COG7: variants seen among roughly 807,000 people sequenced by gnomAD.
COG7 encodes the protein component of oligomeric golgi complex 7, also known as conserved oligomeric Golgi complex subunit 7.
COG7 carries 49 observed loss-of-function variants against 91.5 expected under a neutral mutation model. The observed-to-expected ratio is 0.54, with a 90% CI of 0.43 to 0.68. The LOEUF (loss-of-function observed/expected upper bound fraction) is 0.68, where lower values mean the gene tolerates loss of function less well. Ranked by LOEUF, COG7 falls within the 30% of genes least tolerant of loss-of-function variation. The pLI is 0.00. For missense variants in COG7, 895 were observed against 961.3 expected, an observed-to-expected ratio of 0.93 and a Z score of 0.91; for synonymous variants, 365 against 388.7, an observed-to-expected ratio of 0.94 and a Z score of 0.72.
intron 7 of COG7, among the ~76,000 whole-genome samples, chr16:23,420,561 CCT>C (rs1293972546): frequency 6.6e-6 from 1 of 152,138 alleles, no homozygotes; most frequent in Non-Finnish European, 1.5e-5. Context: ...CGTCCCTTCC[CCT>C]CTTTATCTAG....
Position 23,445,923 on chromosome 16 carries a change from G to T in COG7, c.208C>A (p.Leu70Ile). 6.2e-7 allele frequency: 1 copy of T among 1,612,542 alleles called. No individual in the cohort carries two copies. The highest frequency in any genetic ancestry group is 2.2e-5 in the East Asian group (1 of 44,830). ...TGTTTTAGGGCTTCAACATCACGGA[G>T]CACTTTGGGCATGTTCTGGAGAGCT... The part of the protein sequence containing the change: ...HQALQNMPKV[L>I]RDVEALKQEA... The change falls in exon 2 of 17, where the codon CTC becomes ATC. Residue 70 changes from leucine to isoleucine, a missense_variant. Leu to Ile is a conservative substitution (Grantham distance 5, BLOSUM62 2). Transcript: ENST00000307149.
intron 7 of COG7, among the ~76,000 whole-genome samples, chr16:23,423,297 G>A (rs1963789590): frequency 6.6e-6 from 1 of 152,094 alleles, no homozygotes; most frequent in African/African-American, 2.4e-5. Flanking sequence ...AACCCAGGAG[G>A]TGGAGGTTAC....
At chr16:23,397,487 G>A (rs1239625037) in intron 14 of COG7, among the ~76,000 whole-genome samples, 1 of 152,180 alleles carries the variant, frequency 6.6e-6, no homozygotes, top group African/African-American at 2.4e-5. Flanking sequence ...ATTCCCAGGG[G>A]TGAATGGGGA....
chr16:23,443,229 T>C (rs1315788219), intron 3 of COG7, among the ~76,000 whole-genome samples: 1 of 152,116 alleles, frequency 6.6e-6, no homozygotes, highest in Non-Finnish European at 1.5e-5. Context: ...AATTTAGCAA[T>C]ATGTGCTAAG....
chr16:23,407,093 G>C (rs556924472), intron 11 of COG7, among the ~76,000 whole-genome samples: 1 of 152,244 alleles, frequency 6.6e-6, no homozygotes, highest in East Asian at 1.9e-4. Flanking sequence ...ACATTGCTTT[G>C]GACATAGCAG....
intron 6 of COG7, among the ~76,000 whole-genome samples, chr16:23,431,805 T>C (rs1963938564): frequency 7.2e-6 from 1 of 138,306 alleles, no homozygotes; most frequent in South Asian, 2.3e-4. Flanking sequence ...CAAGACTCTG[T>C]CTGAAGAAAA....
intron 5 of COG7, 149 bp from the exon 6 acceptor site, chr16:23,433,816 C>CA: frequency 1.4e-6 from 1 of 722,554 alleles, no homozygotes; most frequent in Admixed American, 2.8e-5. Context: ...CAAAGAAAGG[C>CA]AGGAAAAAAA....
At chr16:23,434,837 T>C in intron 4 of COG7, 119 bp from the exon 5 acceptor site, 2 of 723,310 alleles carry the variant, frequency 2.8e-6, no homozygotes, top group Non-Finnish European at 5.0e-6. Flanking sequence ...CCTGCCTAGA[T>C]ACTGAATTAA....
At chr16:23,409,223 C>A (rs1422260739) in intron 11 of COG7, among the ~76,000 whole-genome samples, 1 of 152,102 alleles carries the variant, frequency 6.6e-6, no homozygotes, top group Non-Finnish European at 1.5e-5. Flanking sequence ...GTGGCAGAGG[C>A]AACAGGTCAG....
chr16:23,449,374 ATTAAAT>A (rs1964229309), intron 1 of COG7, among the ~76,000 whole-genome samples: 4 of 135,478 alleles, frequency 3.0e-5, no homozygotes, highest in Admixed American at 8.2e-5. Flanking sequence ...AAAAAATAAA[ATTAAAT>A]TAAAATAAAA....
chr16:23,442,325 C>T, intron 4 of COG7, 152 bp downstream of exon 4: 1 of 733,884 alleles, frequency 1.4e-6, no homozygotes, highest in Admixed American at 2.6e-5. Flanking sequence ...CAGAGAAAGA[C>T]TCCGTCTCAA....
intron 6 of COG7, among the ~76,000 whole-genome samples, chr16:23,430,425 T>C (rs1346858120): frequency 6.7e-6 from 1 of 150,334 alleles, no homozygotes; most frequent in Non-Finnish European, 1.5e-5. Flanking sequence ...CAAGACCCTG[T>C]TTCAGAAAAA....
chr16:23,409,064 CGTGT>C (rs139188327), intron 11 of COG7, among the ~76,000 whole-genome samples: 227 of 141,420 alleles, frequency 1.6e-3, no homozygotes, highest in Middle Eastern at 3.6e-3. Flanking sequence ...AGTGTGCATG[CGTGT>C]GTGTGTGTGT....
chr16:23,407,138 C>T (rs1394655135), intron 11 of COG7, among the ~76,000 whole-genome samples: 3 of 152,206 alleles, frequency 2.0e-5, no homozygotes, highest in African/African-American at 4.8e-5. Context: ...AAAAACAGAT[C>T]CTTGAGTTGT....
At chr16:23,414,933 A>T (rs951699755) in intron 9 of COG7, 1 of 152,254 alleles carries the variant, frequency 6.6e-6, no homozygotes, top group Non-Finnish European at 1.5e-5. Context: ...TAAATGAGGA[A>T]AGTGAAATGT....
chr16:23,434,743 A>G, intron 4 of COG7, 25 bp from the exon 5 acceptor site: 1 of 1,519,126 alleles, frequency 6.6e-7, no homozygotes, highest in Non-Finnish European at 9.1e-7. Context: ...ATGTATATAT[A>G]CTGTTACCAG....
intron 7 of COG7, among the ~76,000 whole-genome samples, chr16:23,422,464 T>C (rs2142079540): frequency 6.7e-6 from 1 of 149,162 alleles, no homozygotes; most frequent in East Asian, 1.9e-4. Context: ...TTTGTATATA[T>C]TATATAACAT....
At chr16:23,440,176 G>GTCA (rs1390185505) in intron 4 of COG7, among the ~76,000 whole-genome samples, 1 of 151,804 alleles carries the variant, frequency 6.6e-6, no homozygotes, top group Non-Finnish European at 1.5e-5. Context: ...ATCACCTGAG[G>GTCA]TCAGGAGTTC....
rs139104170 is a variant in COG7, at chr16:23,432,888, G to A, written c.810+657C>T. On this transcript the variant is annotated intron_variant, in intron 6 of 16. Transcript: ENST00000307149. ...CCTGTTCATTCGAACACCACCTGAC[G>A]AGGGGCCTCCTGCTTTTAGATGGGA... is the stretch of plus-strand genomic sequence containing the variant. 2.6e-5 allele frequency among the ~76,000 whole-genome samples: 4 copies of A among 152,172 alleles called. No homozygotes were observed. The East Asian group carries it at 7.7e-4, about 29-fold the overall frequency.
Sources: allele counts gnomAD v4.1 joint callset (sites outside exome capture counted in the v4.1 genomes callset), GRCh38; gene constraint gnomAD v4.1.1; transcripts MANE v1.5; gene names NCBI Gene and HGNC (gene_info 2026-07-23, HGNC 2026-07-21).